The following BTBD9 variants were observed in gnomAD, a reference collection of about 807,000 sequenced individuals.
BTBD9 encodes the protein BTB/POZ domain-containing protein 9.
Under a neutral mutation model 64.3 loss-of-function variants are expected in BTBD9, and 49 were observed. The ratio of observed to expected loss-of-function variants is 0.76; its 90% CI spans 0.61 to 0.97. The LOEUF (loss-of-function observed/expected upper bound fraction) is 0.97. Among genes scored for constraint, BTBD9 ranks in the 50% least tolerant of loss-of-function variants. The probability of loss-of-function intolerance (pLI) is 0.00; values close to 1 mark genes in which losing one functional copy is unlikely to be tolerated. For synonymous variants in BTBD9, 260 were observed against 274.7 expected (o/e 0.95, Z 0.53); for missense variants, 598 against 762.1 (o/e 0.78, Z 2.53).
chr6:38,496,252 T>G (rs1771948747), intron 6 of BTBD9, among the ~76,000 whole-genome samples: 3 of 152,194 alleles, frequency 2.0e-5, no homozygotes, highest in African/African-American at 7.2e-5. Context: ...CAATTCTTAC[T>G]TTTTATAATA....
chr6:38,225,365 C>T (rs1763359099), intron 9 of BTBD9, among the ~76,000 whole-genome samples: 1 of 152,164 alleles, frequency 6.6e-6, no homozygotes, highest in Non-Finnish European at 1.5e-5. Flanking sequence ...GCAAAATGCT[C>T]AGGAGACATT....
At chr6:38,244,276 G>A (rs1202772745) in intron 9 of BTBD9, among the ~76,000 whole-genome samples, 1 of 152,134 alleles carries the variant, frequency 6.6e-6, no homozygotes, top group East Asian at 1.9e-4. Context: ...ACTTGGTCAT[G>A]GTAAGGGTGC....
At chr6:38,250,739 A>ACC (rs1561926635) in intron 9 of BTBD9, among the ~76,000 whole-genome samples, 1 of 152,210 alleles carries the variant, frequency 6.6e-6, no homozygotes, top group Non-Finnish European at 1.5e-5. Context: ...TCAACGTAGT[A>ACC]AAGAGTCGAG....
rs183143978 is a variant in BTBD9, at chr6:38,505,715, C to G, written c.1154+71885G>C. ...GGTGCAGTGGCTCACGCCTGTAATC[C>G]TAGCACTTTGGGAGGCTGAGGTGGA... On this transcript the variant is annotated intron_variant, in intron 6 of 10. Coordinates refer to ENST00000481247, the MANE Select transcript of BTBD9 (RefSeq NM_001099272.2). 4.8e-3 allele frequency among the ~76,000 whole-genome samples: 736 copies of G among 151,814 alleles called. 4 individuals are homozygous for G. The highest frequency in any genetic ancestry group is 0.016 in the African/African-American group (679 of 41,408).
chr6:38,241,430 C>CA (rs1385837783), intron 9 of BTBD9, among the ~76,000 whole-genome samples: 1 of 152,210 alleles, frequency 6.6e-6, no homozygotes, highest in Non-Finnish European at 1.5e-5. Flanking sequence ...ACAAGATGAC[C>CA]ACTCATCAGG....
At chr6:38,392,661 G>A (rs1178722800) in intron 6 of BTBD9, among the ~76,000 whole-genome samples, 3 of 152,088 alleles carry the variant, frequency 2.0e-5, no homozygotes, top group Admixed American at 6.5e-5. Context: ...CCAACAACAC[G>A]TAGCAAGAAA....
chr6:38,480,177 G>A (rs1430425747), intron 6 of BTBD9, among the ~76,000 whole-genome samples: 2 of 152,202 alleles, frequency 1.3e-5, no homozygotes, highest in African/African-American at 4.8e-5. Context: ...GATAAACGTA[G>A]CTCTGAAACC....
At chr6:38,245,815 A>G (rs796358171) in intron 9 of BTBD9, among the ~76,000 whole-genome samples, 10 of 152,232 alleles carry the variant, frequency 6.6e-5, no homozygotes, top group African/African-American at 2.2e-4. Flanking sequence ...CATTAATAAG[A>G]AAGTTATTTC....
intron 7 of BTBD9, among the ~76,000 whole-genome samples, chr6:38,326,217 A>C (rs886698188): frequency 2.0e-5 from 3 of 152,218 alleles, no homozygotes; most frequent in Admixed American, 6.5e-5. Context: ...AGCGAACAGC[A>C]AGTGCAAAGA....
intron 6 of BTBD9, among the ~76,000 whole-genome samples, chr6:38,511,008 T>C (rs1169847913): frequency 2.6e-5 from 4 of 152,202 alleles, no homozygotes; most frequent in Non-Finnish European, 5.9e-5. Context: ...TACTTTTATA[T>C]ATAGGGTTGC....
chr6:38,481,177 G>A (rs569336876), intron 6 of BTBD9, among the ~76,000 whole-genome samples: 1 of 152,276 alleles, frequency 6.6e-6, no homozygotes, highest in East Asian at 1.9e-4. Context: ...GAGAAGAATG[G>A]CATATAACCT....
intron 9 of BTBD9, among the ~76,000 whole-genome samples, chr6:38,200,774 A>G (rs939760031): frequency 2.6e-5 from 4 of 152,198 alleles, no homozygotes; most frequent in Admixed American, 6.5e-5. Flanking sequence ...CATAACAAAA[A>G]GTCTCCCAAC....
intron 6 of BTBD9, among the ~76,000 whole-genome samples, chr6:38,474,001 A>G (rs1770768065): frequency 6.6e-6 from 1 of 152,182 alleles, no homozygotes; most frequent in African/African-American, 2.4e-5. Context: ...GAAAATGCAC[A>G]AAAGGCCAAT....
intron 7 of BTBD9, among the ~76,000 whole-genome samples, chr6:38,332,520 G>T (rs1410586177): frequency 2.0e-5 from 3 of 152,046 alleles, no homozygotes; most frequent in Non-Finnish European, 4.4e-5. Flanking sequence ...GTTTGTTCTT[G>T]CATTAATGCC....
intron 1 of BTBD9, among the ~76,000 whole-genome samples, chr6:38,627,528 A>G (rs1232172777): frequency 6.6e-6 from 1 of 152,176 alleles, no homozygotes; most frequent in Non-Finnish European, 1.5e-5. Context: ...CACTCCATTA[A>G]GGCAGATCTT....
At chr6:38,363,681 A>G (rs752719400) in intron 6 of BTBD9, among the ~76,000 whole-genome samples, 11 of 152,208 alleles carry the variant, frequency 7.2e-5, no homozygotes, top group Non-Finnish European at 1.6e-4. Context: ...ATAGAAAGGG[A>G]AGAGATAAAA....
At chr6:38,237,478 G>A (rs544274054) in intron 9 of BTBD9, among the ~76,000 whole-genome samples, 4 of 152,308 alleles carry the variant, frequency 2.6e-5, no homozygotes, top group Admixed American at 2.6e-4. Flanking sequence ...CCACCTGTGT[G>A]GAGATAAATG....
intron 6 of BTBD9, among the ~76,000 whole-genome samples, chr6:38,367,947 T>C (rs774502712): frequency 1.4e-4 from 22 of 151,950 alleles, no homozygotes; most frequent in Non-Finnish European, 2.9e-4. Context: ...GTGGTAGTGA[T>C]GGTGATGCGA....
chr6:38,367,679 C>G (rs987923545), intron 6 of BTBD9, among the ~76,000 whole-genome samples: 1 of 151,776 alleles, frequency 6.6e-6, no homozygotes, highest in Non-Finnish European at 1.5e-5. Context: ...TATCAATGGG[C>G]AGATAGGGTA....
Sources: allele counts gnomAD v4.1 joint callset (sites outside exome capture counted in the v4.1 genomes callset), GRCh38; gene constraint gnomAD v4.1.1; transcripts MANE v1.5; gene names NCBI Gene and HGNC (gene_info 2026-07-23, HGNC 2026-07-21).